Variants in C1QTNF7 observed in about 807,000 individuals in gnomAD.
The protein encoded by C1QTNF7 is complement C1q tumor necrosis factor-related protein 7.
A neutral mutation model predicts 19.6 loss-of-function variants in C1QTNF7; 15 were observed. The ratio of observed to expected loss-of-function variants is 0.76; its 90% CI spans 0.51 to 1.18. The LOEUF (loss-of-function observed/expected upper bound fraction) is 1.18, where lower values mean the gene tolerates loss of function less well. C1QTNF7 is among the 50% of genes most tolerant of loss of function. The pLI is 0.00. For missense variants in C1QTNF7, 324 were observed against 359.7 expected (o/e 0.90, Z 0.80); for synonymous variants, 142 against 137.5 (o/e 1.03, Z -0.23).
chr4:15,428,093 C>T lies in C1QTNF7; in HGVS notation c.-22C>T, dbSNP rs1560367668. 3.0e-6 allele frequency: 3 copies of T among 985,078 alleles called. No individual in the cohort carries two copies. Among genetic ancestry groups the T allele is most frequent in the Non-Finnish European group, 3.6e-6 (3 of 829,720 alleles). 61.0% of individuals were successfully genotyped at this position (985,078 alleles called of 1,614,324 possible). ...GATTTAGAATCCTGCAGCAGCCCACCATCTAAGAGCAAGGTATGGTGTTTA... is the reference window on the plus strand; with the variant it reads ...GATTTAGAATCCTGCAGCAGCCCACTATCTAAGAGCAAGGTATGGTGTTTA... On this transcript the variant is annotated 5_prime_UTR_variant, in exon 1 of 3. Coordinates refer to ENST00000444304, the MANE Select transcript of C1QTNF7 (RefSeq NM_031911.5).
intron 1 of C1QTNF7, among the ~76,000 whole-genome samples, chr4:15,390,814 A>G (rs886643774): frequency 6.6e-6 from 1 of 152,148 alleles, no homozygotes; most frequent in African/African-American, 2.4e-5. Context: ...AACTCCCAAT[A>G]ACGTTCTAAT....
At chr4:15,359,839 G>T (rs537148232) in intron 1 of C1QTNF7, among the ~76,000 whole-genome samples, 2 of 152,254 alleles carry the variant, frequency 1.3e-5, no homozygotes, top group Admixed American at 1.3e-4. Flanking sequence ...TTTCCCTTCT[G>T]AAGCATGGCC....
intron 1 of C1QTNF7, among the ~76,000 whole-genome samples, chr4:15,375,855 C>T (rs958435437): frequency 2.0e-5 from 3 of 152,226 alleles, no homozygotes; most frequent in Non-Finnish European, 4.4e-5. Flanking sequence ...ATCTGACTTC[C>T]TTTCCTCTCT....
At chr4:15,412,832 A>G (rs544276373) in intron 1 of C1QTNF7, among the ~76,000 whole-genome samples, 4 of 152,364 alleles carry the variant, frequency 2.6e-5, no homozygotes, top group African/African-American at 9.6e-5. Flanking sequence ...AATTCCAGCA[A>G]TCTCAACGAG....
At chr4:15,362,774 C>A (rs1021089967) in intron 1 of C1QTNF7, among the ~76,000 whole-genome samples, 1 of 152,172 alleles carries the variant, frequency 6.6e-6, no homozygotes, top group Non-Finnish European at 1.5e-5. Context: ...GTTAACTGGG[C>A]AAGCTTGGCT....
intron 1 of C1QTNF7, among the ~76,000 whole-genome samples, chr4:15,398,817 A>G (rs1421800942): frequency 6.6e-6 from 1 of 152,246 alleles, no homozygotes; most frequent in Non-Finnish European, 1.5e-5. Context: ...GAAAGGAAGT[A>G]AAGTATACTT....
Position 15,442,359 on chromosome 4 carries a change from A to G in C1QTNF7, c.430A>G (p.Ile144Val), listed in dbSNP as rs1183927938. 2.5e-6 allele frequency: 4 copies of G among 1,614,040 alleles called. No individual in the cohort carries two copies. The highest frequency in any genetic ancestry group is 3.4e-6 in the Non-Finnish European group (4 of 1,180,034). Residue 144 changes from isoleucine to valine, a missense_variant, in exon 3 of 3, where the codon ATC (isoleucine) becomes GTC (valine). By Grantham distance (29) the Ile-to-Val change is conservative (BLOSUM62 3). Transcript: ENST00000444304. ...GLPGVCRCGSIVLKSAFSVGI... is the reference protein window; with the variant it reads ...GLPGVCRCGSVVLKSAFSVGI... ...GCCTGGAGTTTGCAGATGTGGAAGCATCGTGCTCAAATCCGCCTTTTCTGT... is the reference window on the plus strand; with the variant it reads ...GCCTGGAGTTTGCAGATGTGGAAGCGTCGTGCTCAAATCCGCCTTTTCTGT...
chr4:15,341,674 G>A (rs1019202423), intron 1 of C1QTNF7, among the ~76,000 whole-genome samples: 3 of 152,204 alleles, frequency 2.0e-5, no homozygotes, highest in Non-Finnish European at 4.4e-5. Context: ...AGGGAGCAGT[G>A]GGTCGGACAC....
chr4:15,347,685 T>C (rs1716767268), intron 1 of C1QTNF7, among the ~76,000 whole-genome samples: 1 of 152,198 alleles, frequency 6.6e-6, no homozygotes, highest in Non-Finnish European at 1.5e-5. Flanking sequence ...CTTAGTGATA[T>C]CTAAAGGAGA....
intron 1 of C1QTNF7, among the ~76,000 whole-genome samples, chr4:15,359,928 T>C (rs1717277770): frequency 6.6e-6 from 1 of 151,914 alleles, no homozygotes; most frequent in Non-Finnish European, 1.5e-5. Context: ...TTCCTAGACA[T>C]GGTAAGGAAA....
chr4:15,377,703 C>T (rs886378649), intron 1 of C1QTNF7, among the ~76,000 whole-genome samples: 1 of 152,122 alleles, frequency 6.6e-6, no homozygotes, highest in Non-Finnish European at 1.5e-5. Context: ...GAGCAGGAAG[C>T]ATTGAACACT....
At chr4:15,424,106 C>A (rs1560365986), upstream of C1QTNF7, among the ~76,000 whole-genome samples, 1 of 152,140 alleles carries the variant, frequency 6.6e-6, no homozygotes, top group Non-Finnish European at 1.5e-5. Context: ...AGGCAAATTT[C>A]TTGGCTTTCT....
At chr4:15,430,064 C>T (rs770495750) in intron 1 of C1QTNF7, among the ~76,000 whole-genome samples, 1 of 152,094 alleles carries the variant, frequency 6.6e-6, no homozygotes, top group Non-Finnish European at 1.5e-5. Context: ...GCTAGTTTAG[C>T]GAGAACAAAG....
At chr4:15,373,062 T>G (rs4698374) in intron 1 of C1QTNF7, among the ~76,000 whole-genome samples, 1 of 152,148 alleles carries the variant, frequency 6.6e-6, no homozygotes, top group Middle Eastern at 3.4e-3. Context: ...CCATTAGTAC[T>G]GCTATAACAA....
intron 1 of C1QTNF7, among the ~76,000 whole-genome samples, chr4:15,428,955 T>C (rs1374636919): frequency 1.3e-5 from 2 of 152,370 alleles, no homozygotes; most frequent in South Asian, 4.1e-4. Flanking sequence ...TATGTTATAG[T>C]TTCCCTCACA....
At chr4:15,355,851 C>A (rs1717126454) in intron 1 of C1QTNF7, among the ~76,000 whole-genome samples, 1 of 151,960 alleles carries the variant, frequency 6.6e-6, no homozygotes, top group Non-Finnish European at 1.5e-5. Context: ...TAAATAGCAA[C>A]AGTATTTTGT....
chr4:15,427,771 G>A (rs1363967436), upstream of C1QTNF7: 3 of 152,406 alleles, frequency 2.0e-5, no homozygotes, highest in African/African-American at 7.2e-5. Flanking sequence ...AAAAAATTAA[G>A]TAAACAAATC....
rs113519300 is a variant in C1QTNF7, at chr4:15,436,197, T to C, written c.238+216T>C. On this transcript the variant is annotated intron_variant, in intron 2 of 2. Transcript: ENST00000444304. ...TGCAATGACAACTCTTTCAGCTGAA[T>C]GTTATCCCATCTTATAGATGAGAAA... is the stretch of plus-strand genomic sequence containing the variant. Among the ~76,000 whole-genome samples, 854 of 152,312 alleles carry C rather than the reference T, an allele frequency of 5.6e-3. 6 individuals are homozygous for C. Among genetic ancestry groups the C allele is most frequent in the African/African-American group, 0.019 (797 of 41,558 alleles).
chr4:15,342,855 C>T (rs750782207), intron 1 of C1QTNF7, among the ~76,000 whole-genome samples: 5 of 152,230 alleles, frequency 3.3e-5, no homozygotes, highest in South Asian at 4.1e-4. Context: ...GGTAGATCAG[C>T]GCTCTGGCTT....
Sources: allele counts gnomAD v4.1 joint callset (sites outside exome capture counted in the v4.1 genomes callset), GRCh38; gene constraint gnomAD v4.1.1; transcripts MANE v1.5; gene names NCBI Gene and HGNC (gene_info 2026-07-23, HGNC 2026-07-21).